Variants in BMERB1 observed in about 807,000 individuals in gnomAD.
BMERB1 encodes the protein bMERB domain-containing protein 1.
A neutral mutation model predicts 23.6 loss-of-function variants in BMERB1; 12 were observed. The ratio of observed to expected loss-of-function variants is 0.51; its 90% confidence interval spans 0.33 to 0.82. BMERB1 has a LOEUF of 0.82. Among genes scored for constraint, BMERB1 ranks in the 40% least tolerant of loss-of-function variants. The probability of loss-of-function intolerance (pLI) is 0.03; values close to 1 mark genes in which losing one functional copy is unlikely to be tolerated. For missense variants in BMERB1, 247 were observed against 255.4 expected (o/e 0.97, Z 0.22); for synonymous variants, 122 against 96.6 (o/e 1.26, Z -1.54).
chr16:15,481,798 C>G (rs1455526595), intron 1 of BMERB1, among the ~76,000 whole-genome samples: 1 of 150,592 alleles, frequency 6.6e-6, no homozygotes, highest in Non-Finnish European at 1.5e-5. Flanking sequence ...GATCTCGGGT[C>G]ACTGCAACCT....
chr16:15,470,093 A>G (rs1567458615), intron 1 of BMERB1, among the ~76,000 whole-genome samples: 1 of 152,182 alleles, frequency 6.6e-6, no homozygotes, highest in Admixed American at 6.5e-5. Flanking sequence ...GGTTCTCACC[A>G]TTAGGATGTT....
At chr16:15,561,414 A>G (rs1470061441) in intron 2 of BMERB1, among the ~76,000 whole-genome samples, 1 of 151,506 alleles carries the variant, frequency 6.6e-6, no homozygotes, top group Non-Finnish European at 1.5e-5. Flanking sequence ...GATTACAGGC[A>G]TGTGCCACCA....
intron 1 of BMERB1, among the ~76,000 whole-genome samples, chr16:15,465,930 T>C (rs1446564747): frequency 2.0e-5 from 3 of 152,238 alleles, no homozygotes; most frequent in Non-Finnish European, 4.4e-5. Flanking sequence ...CTTTTAATTT[T>C]TTAACTGCTC....
chr16:15,504,578 A>G (rs2051564396), intron 1 of BMERB1, among the ~76,000 whole-genome samples: 1 of 151,842 alleles, frequency 6.6e-6, no homozygotes, highest in Admixed American at 6.6e-5. Flanking sequence ...CCTCCCAAGT[A>G]GCTGGGACCA....
intron 2 of BMERB1, among the ~76,000 whole-genome samples, chr16:15,549,109 TG>T (rs2030006783): frequency 6.9e-6 from 1 of 145,726 alleles, no homozygotes; most frequent in Admixed American, 6.8e-5. Context: ...GAGGCCGAGG[TG>T]GGCAGATCAC....
chr16:15,511,469 T>C (rs998518483), intron 1 of BMERB1, among the ~76,000 whole-genome samples: 5 of 152,156 alleles, frequency 3.3e-5, no homozygotes, highest in African/African-American at 7.2e-5. Flanking sequence ...CTCCCACTTA[T>C]ACAGTTGTTC....
intron 2 of BMERB1, among the ~76,000 whole-genome samples, chr16:15,535,985 A>G (rs547614877): frequency 1.3e-5 from 2 of 152,258 alleles, no homozygotes; most frequent in African/African-American, 4.8e-5. Context: ...CATGGAGGAA[A>G]CTGCCGCCAT....
At chr16:15,530,395 C>T (rs886864597) in intron 2 of BMERB1, among the ~76,000 whole-genome samples, 3 of 152,162 alleles carry the variant, frequency 2.0e-5, no homozygotes, top group African/African-American at 7.2e-5. Context: ...ATCACATCTG[C>T]AAATTTCCTT....
intron 1 of BMERB1, among the ~76,000 whole-genome samples, chr16:15,495,246 C>T (rs1184758665): frequency 6.6e-6 from 1 of 151,896 alleles, no homozygotes; most frequent in Non-Finnish European, 1.5e-5. Flanking sequence ...CGCTCTGTTG[C>T]CTGTTGCCAG....
At chr16:15,579,824 C>T (rs1209855816) in intron 3 of BMERB1, among the ~76,000 whole-genome samples, 2 of 152,224 alleles carry the variant, frequency 1.3e-5, no homozygotes, top group Non-Finnish European at 2.9e-5. Flanking sequence ...TCTCCTCACC[C>T]CCTGCCTTTG....
At chr16:15,545,767 G>A (rs1193977329) in intron 2 of BMERB1, among the ~76,000 whole-genome samples, 2 of 152,152 alleles carry the variant, frequency 1.3e-5, no homozygotes, top group Admixed American at 6.5e-5. Context: ...TGAGGAAGTG[G>A]GGGTGCTCCC....
At chr16:15,544,233 C>T (rs114473263) in intron 2 of BMERB1, among the ~76,000 whole-genome samples, 2,143 of 152,264 alleles carry the variant, frequency 0.014, 58 homozygotes, top group African/African-American at 0.05. Context: ...TTGGAGCGAG[C>T]TTTACCATTT....
intron 1 of BMERB1, among the ~76,000 whole-genome samples, chr16:15,493,236 C>T (rs1347449387): frequency 6.6e-6 from 1 of 151,738 alleles, no homozygotes; most frequent in African/African-American, 2.4e-5. Flanking sequence ...CCTGTACTGC[C>T]CCCTACTCGG....
At chr16:15,529,182 G>T (rs911016250) in intron 2 of BMERB1, among the ~76,000 whole-genome samples, 15 of 151,980 alleles carry the variant, frequency 9.9e-5, no homozygotes, top group Non-Finnish European at 1.5e-4. Flanking sequence ...CCACCACCAC[G>T]CCCGGCTAAC....
At chr16:15,551,742 C>G (rs145839653) in intron 2 of BMERB1, among the ~76,000 whole-genome samples, 52 of 152,292 alleles carry the variant, frequency 3.4e-4, no homozygotes, top group African/African-American at 1.2e-3. Context: ...ACTCACAGTT[C>G]TGCATGGCTG....
In BMERB1 at chr16:15,485,568, A is replaced by C. The variant is rs569767884; in HGVS notation, c.107-29737A>C. On this transcript the variant is annotated intron_variant, in intron 1 of 5. Transcript: ENST00000300006. ...ATGGGACTTAGGAAATTATGCAGCC[A>C]CATTTTATATCCATTCTGGTCATTT... 2.6e-5 allele frequency among the ~76,000 whole-genome samples: 4 copies of C among 152,332 alleles called. No individual in the cohort carries two copies. In the South Asian group the frequency reaches 8.3e-4, roughly 32 times the overall value.
intron 3 of BMERB1, among the ~76,000 whole-genome samples, chr16:15,578,001 A>G (rs1422716690): frequency 2.0e-5 from 3 of 152,128 alleles, no homozygotes; most frequent in Non-Finnish European, 4.4e-5. Flanking sequence ...ACCAATTATT[A>G]TTTTAGAGAG....
intron 3 of BMERB1, among the ~76,000 whole-genome samples, chr16:15,571,573 C>G (rs1180477388): frequency 6.6e-6 from 1 of 152,062 alleles, no homozygotes; most frequent in Non-Finnish European, 1.5e-5. Flanking sequence ...CCAGGATGGT[C>G]TCGATCTCCT....
At chr16:15,473,923 T>C (rs1179440378) in intron 1 of BMERB1, among the ~76,000 whole-genome samples, 2 of 151,744 alleles carry the variant, frequency 1.3e-5, no homozygotes, top group African/African-American at 4.8e-5. Context: ...ATCGAGACCA[T>C]CCTGGCTAAC....
Sources: gnomAD v4.1 joint callset for allele counts (sites outside exome capture counted in the v4.1 genomes callset) on GRCh38, gnomAD v4.1.1 for gene constraint, MANE v1.5 for transcripts, NCBI Gene and HGNC (gene_info 2026-07-23, HGNC 2026-07-21) for gene names.